The following RYR3 variants were observed in gnomAD, a reference collection of about 807,000 sequenced individuals.
The protein encoded by RYR3 is brain ryanodine receptor-calcium release channel.
A neutral mutation model predicts 584.3 loss-of-function variants in RYR3; 207 were observed. The ratio of observed to expected loss-of-function variants is 0.35; its 90% CI spans 0.32 to 0.40. RYR3 has a LOEUF of 0.40. RYR3 is among the 10% of genes least tolerant of loss of function. The pLI, the probability that RYR3 is intolerant of heterozygous loss-of-function variation, is 1.00. For missense variants in RYR3, 5,616 were observed against 6,089.2 expected (o/e 0.92, Z 2.59); for synonymous variants, 2,416 against 2,248.5 (o/e 1.07, Z -2.11).
chr15:33,672,741 C>G (rs1036856378), intron 38 of RYR3, among the ~76,000 whole-genome samples: 1 of 152,074 alleles, frequency 6.6e-6, no homozygotes, highest in Non-Finnish European at 1.5e-5. Flanking sequence ...TTTCTATTAC[C>G]CTTGCATTTG....
chr15:33,487,782 G>T (rs926164507), intron 2 of RYR3, among the ~76,000 whole-genome samples: 2 of 152,164 alleles, frequency 1.3e-5, no homozygotes, highest in Non-Finnish European at 1.5e-5. Context: ...CAAGGTGAAG[G>T]GTTGGGATGC....
At chr15:33,855,009 T>C (rs908389026) in intron 98 of RYR3, 97 bp downstream of exon 98, 2 of 1,236,042 alleles carry the variant, frequency 1.6e-6, no homozygotes, top group Non-Finnish European at 1.1e-6. Context: ...AAGGAATATG[T>C]CTTGGTATAT....
chr15:33,613,086 C>A, intron 18 of RYR3, 97 bp from the exon 19 acceptor site: 1 of 860,344 alleles, frequency 1.2e-6, no homozygotes, highest in Non-Finnish European at 1.9e-6. Flanking sequence ...GAGTACCCAT[C>A]ACACCTCCCC....
chr15:33,777,787 GGA>G (rs1491334380), intron 64 of RYR3, among the ~76,000 whole-genome samples: 1 of 80,116 alleles, frequency 1.2e-5, no homozygotes, highest in African/African-American at 4.8e-5. Context: ...CAAAGAAAGA[GGA>G]AAAAAAAAAA....
chr15:33,844,028 A>C (rs892827670), intron 92 of RYR3, among the ~76,000 whole-genome samples: 4 of 152,240 alleles, frequency 2.6e-5, no homozygotes, highest in African/African-American at 9.6e-5. Flanking sequence ...GGTTTTGAAC[A>C]TTGGCAAGTG....
chr15:33,767,031 G>C (rs1182585603), intron 60 of RYR3, among the ~76,000 whole-genome samples: 1 of 152,224 alleles, frequency 6.6e-6, no homozygotes, highest in Non-Finnish European at 1.5e-5. Context: ...GTTAGTATGA[G>C]GATCAAACAA....
intron 69 of RYR3, among the ~76,000 whole-genome samples, chr15:33,805,004 G>A (rs978320358): frequency 1.3e-5 from 2 of 152,206 alleles, no homozygotes; most frequent in Non-Finnish European, 2.9e-5. Context: ...TCAGTTCAAA[G>A]ATAACGCTAT....
In RYR3 at chr15:33,311,397, C is replaced by T. The variant is rs1255210948; in HGVS notation, c.51+301C>T. 1.3e-5 allele frequency among the ~76,000 whole-genome samples: 2 copies of T among 152,244 alleles called. No homozygotes were observed. Among genetic ancestry groups the T allele is most frequent in the Non-Finnish European group, 2.9e-5 (2 of 68,036 alleles). On this transcript the variant is annotated intron_variant, in intron 1 of 103. Coordinates refer to ENST00000634891, the MANE Select transcript of RYR3 (RefSeq NM_001036.6). The surrounding 1 kb of genome is among the most constrained non-coding windows in gnomAD (Gnocchi z 4.4). ...CTACTTGGTCTGAAACCCTTGATGC[C>T]CAAACTTCAGCCGGGGTTTGTTCGC...
chr15:33,372,903 T>TC (rs1307177828), intron 1 of RYR3, among the ~76,000 whole-genome samples: 1 of 152,188 alleles, frequency 6.6e-6, no homozygotes, highest in Non-Finnish European at 1.5e-5. Flanking sequence ...TTCTCCAAAG[T>TC]CATAAGAATT....
rs1373845540 is a variant in RYR3, at chr15:33,336,470, GAGAGAGAGAGAGAGAGAA to G, written c.51+25378_51+25395del. On this transcript the variant is annotated intron_variant, in intron 1 of 103. Transcript: ENST00000634891. ...AGAGAGAGAGAGAGAGAGAGAGAGA[GAGAGAGAGAGAGAGAGAA>G]AGAAAGAAAGAAAGAAGGAGGGAAG... 1.0e-4 allele frequency among the ~76,000 whole-genome samples: 4 copies of G among 38,818 alleles called. 2 individuals are homozygous for G. Among genetic ancestry groups the G allele is most frequent in the African/African-American group, 4.9e-4 (2 of 4,066 alleles). 25.5% of individuals were successfully genotyped at this position (38,818 alleles called of 152,430 possible).
intron 70 of RYR3, 128 bp downstream of exon 70, chr15:33,807,697 G>A: frequency 1.1e-6 from 1 of 911,666 alleles, no homozygotes; most frequent in Non-Finnish European, 1.8e-6. Flanking sequence ...GGTCCCCCAG[G>A]CCTGCTCCAG....
At chr15:33,830,133 T>G (rs1056935216) in intron 85 of RYR3, among the ~76,000 whole-genome samples, 3 of 152,200 alleles carry the variant, frequency 2.0e-5, no homozygotes, top group Non-Finnish European at 2.9e-5. Context: ...GAAGACTGAC[T>G]CCAATTTTGA....
chr15:33,812,482 G>GA (rs1401531897), intron 72 of RYR3, among the ~76,000 whole-genome samples: 2 of 151,740 alleles, frequency 1.3e-5, no homozygotes, highest in Non-Finnish European at 2.9e-5. Context: ...AGATGGGTTT[G>GA]AAAAAAGACT....
chr15:33,545,280 A>G (rs1300283015), intron 8 of RYR3, among the ~76,000 whole-genome samples: 2 of 152,178 alleles, frequency 1.3e-5, no homozygotes, highest in Admixed American at 1.3e-4. Flanking sequence ...TAGGTTAGTC[A>G]TTTGGTGGGC....
At position 33,693,080 on chromosome 15, in the gene RYR3, A is replaced by G. The variant is rs890964840; in HGVS notation, c.5861-3138A>G. 2.6e-5 allele frequency among the ~76,000 whole-genome samples: 4 copies of G among 152,254 alleles called. No individual in the cohort carries two copies. The East Asian group carries it at 7.7e-4, about 29-fold the overall frequency. ...AATTGTTTTGTTAGTCGTGAGAACTATAATTCTTTCAAGCCAAGGTATAGG... is the reference window on the plus strand; with the variant it reads ...AATTGTTTTGTTAGTCGTGAGAACTGTAATTCTTTCAAGCCAAGGTATAGG... On this transcript the variant is annotated intron_variant, in intron 38 of 103. Transcript: ENST00000634891.
intron 1 of RYR3, among the ~76,000 whole-genome samples, chr15:33,317,890 T>C (rs75143853): frequency 0.049 from 7,426 of 152,230 alleles, 263 homozygotes; most frequent in Middle Eastern, 0.11. Flanking sequence ...GGCCTTCTTT[T>C]TTCACCTTCC....
intron 1 of RYR3, among the ~76,000 whole-genome samples, chr15:33,387,732 C>A (rs2041715354): frequency 6.7e-6 from 1 of 149,874 alleles, no homozygotes; most frequent in African/African-American, 2.5e-5. Flanking sequence ...TGTAAGCAGA[C>A]ACTGCATCCA....
At chr15:33,400,984 G>T (rs1050254266) in intron 1 of RYR3, among the ~76,000 whole-genome samples, 3 of 151,702 alleles carry the variant, frequency 2.0e-5, no homozygotes, top group African/African-American at 7.3e-5. Context: ...ACCCACTATG[G>T]TCTGGTCACC....
intron 44 of RYR3, 28 bp from the exon 45 acceptor site, chr15:33,724,037 C>G: frequency 7.3e-7 from 1 of 1,372,882 alleles, no homozygotes; most frequent in South Asian, 1.2e-5. Context: ...CAACCTTCCT[C>G]ACACCTCCCC....
Sources: allele counts gnomAD v4.1 joint callset (sites outside exome capture counted in the v4.1 genomes callset), GRCh38; gene constraint gnomAD v4.1.1; non-coding constraint Gnocchi (gnomAD v3.1); transcripts MANE v1.5; gene names NCBI Gene and HGNC (gene_info 2026-07-23, HGNC 2026-07-21).